MARCHF10: variants seen among roughly 807,000 people sequenced by gnomAD.
MARCHF10 encodes membrane associated ring-CH-type finger 10.
In MARCHF10, 64 loss-of-function variants were observed where a neutral mutation model predicts 76.2. That is an observed-to-expected ratio of 0.84 (90% CI 0.69 to 1.03). The LOEUF (loss-of-function observed/expected upper bound fraction) is 1.03. MARCHF10 is among the 50% of genes least tolerant of loss of function. The pLI is 0.00. For synonymous variants in MARCHF10, 340 were observed against 357.5 expected (o/e 0.95, Z 0.55); for missense variants, 875 against 958.0 (o/e 0.91, Z 1.14).
intron 3 of MARCHF10, among the ~76,000 whole-genome samples, chr17:62,769,706 G>A (rs553843397): frequency 6.6e-6 from 1 of 152,156 alleles, no homozygotes; most frequent in African/African-American, 2.4e-5. Flanking sequence ...CAGCCACCAC[G>A]CCCAGCCTAA....
intron 3 of MARCHF10, among the ~76,000 whole-genome samples, chr17:62,777,662 C>T (rs1198105692): frequency 7.5e-6 from 1 of 133,452 alleles, no homozygotes; most frequent in Non-Finnish European, 1.5e-5. Context: ...TGCAGTGAAC[C>T]GAGATCCTGC....
In MARCHF10 at chr17:62,736,392, T is replaced by C. The variant is rs748296882; in HGVS notation, c.1476A>G (p.Ser492=). Residue 492 remains serine (S), a synonymous_variant, in exon 6 of 11, where the codon TCA becomes TCG. Transcript: ENST00000311269. ...AGTCTGAGCTGTGAACTGAAGTCGA[T>C]GACATTGACAAGTCTACTGGAATAT... ...RDDIPVDLSM[S]STSVHSSDSE... The C allele has an allele frequency of 1.7e-5, 27 of 1,614,090 alleles. No individual in the cohort carries two copies. In the South Asian group the frequency reaches 2.5e-4, roughly 15 times the overall value.
chr17:62,799,208 A>ATGTC (rs1201493701), intron 2 of MARCHF10, among the ~76,000 whole-genome samples: 1 of 152,068 alleles, frequency 6.6e-6, no homozygotes, highest in Non-Finnish European at 1.5e-5. Context: ...TATCAGCAAG[A>ATGTC]TGTCTGTTCT....
intron 3 of MARCHF10, among the ~76,000 whole-genome samples, chr17:62,770,319 G>T (rs1489301127): frequency 6.6e-6 from 1 of 152,154 alleles, no homozygotes; most frequent in African/African-American, 2.4e-5. Flanking sequence ...AAACAGCATG[G>T]CAATAAACAT....
At chr17:62,773,187 G>A (rs1432420520) in intron 3 of MARCHF10, among the ~76,000 whole-genome samples, 1 of 152,174 alleles carries the variant, frequency 6.6e-6, no homozygotes, top group African/African-American at 2.4e-5. Flanking sequence ...AGTGGAGAAT[G>A]AGAAACCGCC....
chr17:62,799,237 G>A (rs144452906), intron 2 of MARCHF10, among the ~76,000 whole-genome samples: 118 of 151,980 alleles, frequency 7.8e-4, no homozygotes, highest in Admixed American at 2.4e-3. Flanking sequence ...TTCCTGGGCC[G>A]GGCCACTTCT....
intron 2 of MARCHF10, among the ~76,000 whole-genome samples, chr17:62,799,271 C>T (rs369490779): frequency 6.6e-6 from 1 of 152,152 alleles, no homozygotes; most frequent in African/African-American, 2.4e-5. Context: ...CCTACCACCC[C>T]GGGCCAAGTC....
chr17:62,797,960 G>A (rs1472724545), intron 2 of MARCHF10, among the ~76,000 whole-genome samples: 1 of 152,132 alleles, frequency 6.6e-6, no homozygotes. Flanking sequence ...AGGAGGGAGA[G>A]GAAGAGACAG....
At chr17:62,769,746 G>A (rs1028445466) in intron 3 of MARCHF10, among the ~76,000 whole-genome samples, 1 of 152,082 alleles carries the variant, frequency 6.6e-6, no homozygotes, top group Non-Finnish European at 1.5e-5. Flanking sequence ...TTATTAGCTA[G>A]CATTCTTCTC....
At chr17:62,754,665 A>G (rs1218828963) in intron 4 of MARCHF10, among the ~76,000 whole-genome samples, 3 of 152,228 alleles carry the variant, frequency 2.0e-5, no homozygotes, top group East Asian at 1.9e-4. Context: ...TTTGGAGCCA[A>G]GACTTCATTC....
chr17:62,747,429 A>T (rs1022607461), intron 4 of MARCHF10, among the ~76,000 whole-genome samples: 1 of 152,266 alleles, frequency 6.6e-6, no homozygotes, highest in Non-Finnish European at 1.5e-5. Context: ...AAAGCTGAAC[A>T]ACTGGAGATT....
At position 62,738,317 on chromosome 17, in the gene MARCHF10, T is replaced by G. The variant is rs2091374342; in HGVS notation, c.536-985A>C. Among the ~76,000 whole-genome samples the G allele has an allele frequency of 6.6e-6, 1 of 152,146 alleles. No individual in the cohort carries two copies. Among genetic ancestry groups the G allele is most frequent in the South Asian group, 2.1e-4 (1 of 4,824 alleles). ...TAAGAAACTGGCTGGCCTTCCGATT[T>G]CCTTGTGAAAATGAGAATCCATTGA... On this transcript the variant is annotated intron_variant, in intron 5 of 10. Coordinates refer to ENST00000311269, the MANE Select transcript of MARCHF10 (RefSeq NM_152598.4). The surrounding 1 kb of genome is among the most constrained non-coding windows in gnomAD (Gnocchi z 4.0).
chr17:62,768,449 G>A (rs2092381536), intron 3 of MARCHF10, among the ~76,000 whole-genome samples: 2 of 152,214 alleles, frequency 1.3e-5, no homozygotes, highest in African/African-American at 4.8e-5. Context: ...GAACCTGGGA[G>A]GTAGAGGTTG....
At position 62,736,880 on chromosome 17, in the gene MARCHF10, T is replaced by G. The variant is rs201048274; in HGVS notation, c.988A>C (p.Lys330Gln). The G allele has an allele frequency of 1.2e-5, 20 of 1,614,030 alleles. No individual in the cohort carries two copies. The highest frequency in any genetic ancestry group is 1.7e-5 in the Non-Finnish European group (20 of 1,179,910). The change falls in exon 6 of 11, where the codon AAA (lysine) becomes CAA (glutamine). Residue 330 changes from lysine to glutamine, a missense_variant. Lys to Gln is a moderately conservative substitution (Grantham distance 53). Transcript: ENST00000311269. ...GGTSTPQAKN[K>Q]NFEENAENCR... ...TTTTCAGCATTTTCTTCAAAATTTT[T>G]ATTTTTGGCCTGAGGGGTCGATGTC...
At chr17:62,730,645 C>A (rs1312834619) in intron 6 of MARCHF10, among the ~76,000 whole-genome samples, 1 of 152,140 alleles carries the variant, frequency 6.6e-6, no homozygotes, top group African/African-American at 2.4e-5. Context: ...CCTATAATCC[C>A]AGCACTTTGG....
chr17:62,763,997 A>G (rs2092270386), intron 3 of MARCHF10, among the ~76,000 whole-genome samples: 1 of 152,176 alleles, frequency 6.6e-6, no homozygotes, highest in Admixed American at 6.5e-5. Flanking sequence ...GAGAGAAGGA[A>G]CTTAACTGGG....
rs766978520 is a variant in MARCHF10 at position 62,744,391 on chromosome 17, C to A, written c.520G>T (p.Val174Phe). 2.4e-5 allele frequency: 38 copies of A among 1,613,888 alleles called. No homozygotes were observed. The Admixed American group carries it at 5.8e-4, about 25-fold the overall frequency. The change falls in exon 5 of 11, where the codon GTT becomes TTT. Residue 174 changes from valine to phenylalanine, a missense_variant. Val to Phe is a conservative substitution (Grantham distance 50). Transcript: ENST00000311269. ...QKQQWPAKVPVPRGADQVVQQ... is the reference protein window; with the variant it reads ...QKQQWPAKVPFPRGADQVVQQ... ...GGGTCCTTACCTGCTCCCCTGGGAA[C>A]CGGCACCTTTGCAGGCCACTGCTGT...
In MARCHF10 at chr17:62,780,336, AG is replaced by A. The variant is rs562378407; in HGVS notation, c.210+8143del. Among the ~76,000 whole-genome samples, 61 of 152,360 alleles carry A rather than the reference AG, an allele frequency of 4.0e-4. 1 individual carries two copies. The highest frequency in any genetic ancestry group is 3.9e-3 in the Admixed American group (60 of 15,310). On this transcript the variant is annotated intron_variant, in intron 3 of 10. Transcript: ENST00000311269. The stretch of plus-strand genomic sequence containing the variant: ...ACATTCTGACTTTTTAAGCCATTGC[AG>A]GCTACTTGAAAAGACTTTATTTTTT...
At chr17:62,788,404 A>G in intron 3 of MARCHF10, 76 bp downstream of exon 3, 1 of 1,557,436 alleles carries the variant, frequency 6.4e-7, no homozygotes, top group Non-Finnish European at 8.7e-7. Flanking sequence ...TTTTTCCTAC[A>G]TCACACACAC....
Sources: allele counts gnomAD v4.1 joint callset (sites outside exome capture counted in the v4.1 genomes callset), GRCh38; gene constraint gnomAD v4.1.1; non-coding constraint Gnocchi (gnomAD v3.1); transcripts MANE v1.5; gene names NCBI Gene and HGNC (gene_info 2026-07-23, HGNC 2026-07-21).